The following CNKSR3 variants were observed in gnomAD, a reference collection of about 807,000 sequenced individuals.
CNKSR3 encodes CNKSR family member 3.
A neutral mutation model predicts 67.7 loss-of-function variants in CNKSR3; 36 were observed. The observed-to-expected ratio is 0.53, with a 90% CI of 0.41 to 0.70. The LOEUF is 0.70. Among genes scored for constraint, CNKSR3 ranks in the 30% least tolerant of loss-of-function variants. The pLI, the probability that CNKSR3 is intolerant of heterozygous loss-of-function variation, is 0.00. For synonymous variants in CNKSR3, 281 were observed against 271.4 expected (o/e 1.04, Z -0.35); for missense variants, 630 against 695.2 (o/e 0.91, Z 1.05).
Position 154,411,181 on chromosome 6 carries a change from A to G in CNKSR3, c.1071-39T>C, listed in dbSNP as rs761758806. 24 of 1,438,372 alleles carry G rather than the reference A, an allele frequency of 1.7e-5. 1 individual carries two copies. The East Asian group carries it at 5.5e-4, about 33-fold the overall frequency. The allele number at this position is 1,438,372 out of a possible 1,614,324, so 89.1% of individuals were successfully genotyped here. A position where few individuals can be genotyped will look rare whatever the true frequency, so the allele number is the denominator to read the frequency against. On this transcript the variant is annotated intron_variant, in intron 10 of 12. Coordinates refer to ENST00000607772, the MANE Select transcript of CNKSR3 (RefSeq NM_173515.4). ...TGGACAATAATTAAGTTGTTTACAA[A>G]GATGTTCTCATACTGAAGAATTCCA...
rs767906270 is a variant in CNKSR3 at position 154,403,436 on chromosome 6, A to C, written c.*2918T>G. 6.6e-6 allele frequency: 1 copy of C among 151,936 alleles called. No homozygotes were observed. The highest frequency in any genetic ancestry group is 1.5e-5 in the Non-Finnish European group (1 of 67,986). The allele number at this position is 151,936 out of a possible 1,614,324, so 9.4% of individuals were successfully genotyped here. ...AAAAAAAAAAAATTTTTTTTAAAGAAATAAAAATAAAGAATCCTGTCAAAA... is the reference window on the plus strand; with the variant it reads ...AAAAAAAAAAAATTTTTTTTAAAGACATAAAAATAAAGAATCCTGTCAAAA... On this transcript the variant is annotated 3_prime_UTR_variant, in exon 13 of 13. Coordinates refer to ENST00000607772, the MANE Select transcript of CNKSR3 (RefSeq NM_173515.4).
At chr6:154,416,213 T>G (rs139092570) in intron 9 of CNKSR3, among the ~76,000 whole-genome samples, 3,025 of 152,160 alleles carry the variant, frequency 0.02, 102 homozygotes, top group African/African-American at 0.069. Context: ...GTGACCTGAT[T>G]CTAAGGATTG....
At chr6:154,509,079 C>T (rs944124317) in intron 1 of CNKSR3, among the ~76,000 whole-genome samples, 1 of 151,756 alleles carries the variant, frequency 6.6e-6, no homozygotes, top group Non-Finnish European at 1.5e-5. Flanking sequence ...CCATTCCTCA[C>T]CTGGAAGAGC....
Position 154,402,631 on chromosome 6 carries a change from T to C in CNKSR3, c.*3723A>G, listed in dbSNP as rs1784730596. The C allele has an allele frequency of 6.6e-6, 1 of 152,206 alleles. No individual in the cohort carries two copies. Among genetic ancestry groups the C allele is most frequent in the Non-Finnish European group, 1.5e-5 (1 of 68,046 alleles). 9.4% of individuals were successfully genotyped at this position (152,206 alleles called of 1,614,324 possible). A position where few individuals can be genotyped will look rare whatever the true frequency, so the allele number is the denominator to read the frequency against. On this transcript the variant is annotated 3_prime_UTR_variant, in exon 13 of 13. Transcript: ENST00000607772. Reference sequence around the variant, plus strand: ...AACAGCAGTACTCACCTCATAGATTTATTAGAAAGGTATTAGAACAATGCC... The same window carrying C: ...AACAGCAGTACTCACCTCATAGATTCATTAGAAAGGTATTAGAACAATGCC...
At chr6:154,466,454 C>T (rs1409885837) in intron 1 of CNKSR3, among the ~76,000 whole-genome samples, 2 of 152,160 alleles carry the variant, frequency 1.3e-5, no homozygotes, top group African/African-American at 4.8e-5. Flanking sequence ...ATATTGTAAA[C>T]CCTGACTGAG....
chr6:154,462,680 G>A (rs1105909), intron 1 of CNKSR3, among the ~76,000 whole-genome samples: 52,898 of 151,992 alleles, frequency 0.35, 9,371 homozygotes, highest in South Asian at 0.44. Flanking sequence ...TTCCCTGTGA[G>A]GTCCCATCTA....
chr6:154,468,393 T>TACACACACAC (rs55806681), intron 1 of CNKSR3, among the ~76,000 whole-genome samples: 1,667 of 137,270 alleles, frequency 0.012, 12 homozygotes, highest in Non-Finnish European at 0.015. Flanking sequence ...ATATATTTTA[T>TACACACACAC]ACACACACAC....
At chr6:154,474,113 A>T (rs1451503702) in intron 1 of CNKSR3, among the ~76,000 whole-genome samples, 1 of 41,866 alleles carries the variant, frequency 2.4e-5, no homozygotes, top group Non-Finnish European at 3.8e-5. Flanking sequence ...ATGGGGTTAT[A>T]AAAAAAAAAA....
intron 7 of CNKSR3, among the ~76,000 whole-genome samples, chr6:154,425,359 T>C (rs1785234873): frequency 6.6e-6 from 1 of 152,230 alleles, no homozygotes; most frequent in African/African-American, 2.4e-5. Context: ...TGCCTTCATT[T>C]CTCAAATGTC....
Position 154,510,448 on chromosome 6 carries a change from GC to G in CNKSR3, c.-335del. 1 of 365,722 alleles carries G rather than the reference GC, an allele frequency of 2.7e-6. No individual in the cohort carries two copies. 22.7% of individuals were successfully genotyped at this position (365,722 alleles called of 1,614,324 possible). A position where few individuals can be genotyped will look rare whatever the true frequency, so the allele number is the denominator to read the frequency against. ...CCCCTGGCCTCGGCTCGGCACGGGA[GC>G]CTCCCGGCCCGCGACCACTTCCTCG... is the stretch of plus-strand genomic sequence containing the variant. On this transcript the variant is annotated 5_prime_UTR_variant, in exon 1 of 13. Coordinates refer to ENST00000607772, the MANE Select transcript of CNKSR3 (RefSeq NM_173515.4).
intron 1 of CNKSR3, among the ~76,000 whole-genome samples, chr6:154,456,006 AC>A (rs528522189): frequency 3.4e-4 from 52 of 152,258 alleles, no homozygotes; most frequent in Non-Finnish European, 6.5e-4. Context: ...GCAAAAAAAA[AC>A]AAACAAAAAA....
chr6:154,505,326 T>G (rs62432726), intron 1 of CNKSR3, among the ~76,000 whole-genome samples: 35,751 of 150,726 alleles, frequency 0.24, 4,996 homozygotes, highest in African/African-American at 0.38. Context: ...AAAGAGCAAG[T>G]CCCGTGGCTT....
intron 1 of CNKSR3, among the ~76,000 whole-genome samples, chr6:154,504,563 T>G (rs1474319204): frequency 6.6e-6 from 1 of 152,186 alleles, no homozygotes; most frequent in Non-Finnish European, 1.5e-5. Context: ...CTGGTACAAG[T>G]AATCAAAGTG....
intron 1 of CNKSR3, among the ~76,000 whole-genome samples, chr6:154,506,088 G>A (rs1168684226): frequency 1.3e-5 from 2 of 152,182 alleles, no homozygotes; most frequent in African/African-American, 2.4e-5. Flanking sequence ...TATAAGTAGG[G>A]AATGTGGCAC....
intron 9 of CNKSR3, among the ~76,000 whole-genome samples, chr6:154,417,780 A>G (rs1356771493): frequency 6.6e-6 from 1 of 152,122 alleles, no homozygotes; most frequent in Non-Finnish European, 1.5e-5. Flanking sequence ...CCATTTGCAC[A>G]CCAAGGAGAG....
At chr6:154,464,337 C>A (rs1370101777) in intron 1 of CNKSR3, among the ~76,000 whole-genome samples, 1 of 152,038 alleles carries the variant, frequency 6.6e-6, no homozygotes, top group African/African-American at 2.4e-5. Flanking sequence ...CACTGAGGTT[C>A]TCAAAAGGAA....
chr6:154,486,289 C>CT (rs1480566559), intron 1 of CNKSR3, among the ~76,000 whole-genome samples: 2,336 of 149,798 alleles, frequency 0.016, 57 homozygotes, highest in African/African-American at 0.055. Flanking sequence ...TTTTCTCTCT[C>CT]TCTCTTTTTC....
intron 1 of CNKSR3, among the ~76,000 whole-genome samples, chr6:154,477,484 T>A (rs1051852679): frequency 2.0e-5 from 3 of 151,926 alleles, no homozygotes; most frequent in Admixed American, 2.0e-4. Flanking sequence ...CAATTTTTTT[T>A]TTTTTTCTGT....
rs549729294 is a variant in CNKSR3 at position 154,435,388 on chromosome 6, A to G, written c.508-1881T>C. The stretch of plus-strand genomic sequence containing the variant: ...TCTCAATACACCAGAGCCCAAGAAC[A>G]AGGTAGACTTGTGACTGCAAGGTTC... On this transcript the variant is annotated intron_variant, in intron 4 of 12. Coordinates refer to ENST00000607772, the MANE Select transcript of CNKSR3 (RefSeq NM_173515.4). Among the ~76,000 whole-genome samples, 4 of 152,262 alleles carry G rather than the reference A, an allele frequency of 2.6e-5. No individual in the cohort carries two copies. In the South Asian group the frequency reaches 8.3e-4, roughly 32 times the overall value.
Sources: allele counts gnomAD v4.1 joint callset (sites outside exome capture counted in the v4.1 genomes callset), GRCh38; gene constraint gnomAD v4.1.1; transcripts MANE v1.5; gene names NCBI Gene and HGNC (gene_info 2026-07-23, HGNC 2026-07-21).